The following SOX13 variants were observed in gnomAD, a reference collection of about 807,000 sequenced individuals.
SOX13 encodes transcription factor SOX-13.
A neutral mutation model predicts 71.8 loss-of-function variants in SOX13; 28 were observed. The observed-to-expected ratio is 0.39, with a 90% CI of 0.29 to 0.53. The LOEUF (loss-of-function observed/expected upper bound fraction) is 0.53. SOX13 is among the 20% of genes least tolerant of loss of function. The pLI, the probability that SOX13 is intolerant of heterozygous loss-of-function variation, is 0.70. For synonymous variants in SOX13, 309 were observed against 317.8 expected, an observed-to-expected ratio of 0.97 and a Z score of 0.29; for missense variants, 627 against 810.3, an observed-to-expected ratio of 0.77 and a Z score of 2.75.
chr1:204,073,888 T>G lies in SOX13; in HGVS notation c.-2+177T>G, dbSNP rs1223857457. The G allele has an allele frequency of 6.6e-6, 1 of 152,566 alleles. No individual in the cohort carries two copies. The highest frequency in any genetic ancestry group is 1.9e-4 in the East Asian group (1 of 5,144). 9.5% of individuals were successfully genotyped at this position (152,566 alleles called of 1,614,324 possible). A position where few individuals can be genotyped will look rare whatever the true frequency, so the allele number is the denominator to read the frequency against. ...GACCCTCACCTACCCCCAACAACGC[T>G]GGGCAGTGGCGGCTCCTCCCTGGCC... On this transcript the variant is annotated intron_variant, in intron 1 of 13. Transcript: ENST00000367204. The surrounding 1 kb of genome is among the most constrained non-coding windows in gnomAD (Gnocchi z 6.8).
intron 1 of SOX13, among the ~76,000 whole-genome samples, chr1:204,112,100 T>C (rs189978745): frequency 6.6e-6 from 1 of 152,168 alleles, no homozygotes; most frequent in Non-Finnish European, 1.5e-5. Context: ...AATCTAGATT[T>C]TTATGTGTTA....
At chr1:204,080,906 C>CTT (rs1180508830) in intron 1 of SOX13, among the ~76,000 whole-genome samples, 49 of 122,748 alleles carry the variant, frequency 4.0e-4, no homozygotes, top group African/African-American at 1.1e-3. Context: ...CCTTTGTTGA[C>CTT]TTTTTTTTTT....
Position 204,073,443 on chromosome 1 carries a change from C to G in SOX13, c.-270C>G, listed in dbSNP as rs1005180524. The G allele has an allele frequency of 6.6e-6, 1 of 151,980 alleles. No homozygotes were observed. Among genetic ancestry groups the G allele is most frequent in the Non-Finnish European group, 1.5e-5 (1 of 67,996 alleles). The allele number at this position is 151,980 out of a possible 1,614,324, so 9.4% of individuals were successfully genotyped here. ...GAGCGGCCTGGCTCGGCGGAGAGGG[C>G]GCCGCCCGGCCGGAACCAAGCTCGC... On this transcript the variant is annotated 5_prime_UTR_variant, in exon 1 of 14. Transcript: ENST00000367204. The surrounding 1 kb of genome is among the most constrained non-coding windows in gnomAD (Gnocchi z 6.8).
At chr1:204,096,183 T>C (rs1487875190) in intron 1 of SOX13, among the ~76,000 whole-genome samples, 2 of 151,840 alleles carry the variant, frequency 1.3e-5, no homozygotes, top group East Asian at 1.9e-4. Flanking sequence ...ATTCTATATC[T>C]AATTTCTTGA....
chr1:204,097,704 A>C (rs556822941), intron 1 of SOX13, among the ~76,000 whole-genome samples: 1 of 151,584 alleles, frequency 6.6e-6, no homozygotes, highest in Non-Finnish European at 1.5e-5. Flanking sequence ...AAAAAAAAAA[A>C]AAAAGAAAAG....
At chr1:204,113,448 T>G (rs1656628289) in intron 2 of SOX13, among the ~76,000 whole-genome samples, 1 of 152,216 alleles carries the variant, frequency 6.6e-6, no homozygotes, top group Admixed American at 6.5e-5. Flanking sequence ...TGCTAAAGTT[T>G]GGCTTTAAAG....
Position 204,116,578 on chromosome 1 carries a change from G to A in SOX13, c.490G>A (p.Asp164Asn). ...GATTCACCAGCTGTCCACCCTGCGG[G>A]ACCAGCTCCTGACAGCCCACTCGGA... ...VMIHQLSTLR[D>N]QLLTAHSEQK... Residue 164 changes from aspartate (D) to asparagine (N), a missense_variant, in exon 5 of 14, where the codon GAC (aspartate) becomes AAC (asparagine). Transcript: ENST00000367204. 1.2e-6 allele frequency: 2 copies of A among 1,614,044 alleles called. No individual in the cohort carries two copies. Among genetic ancestry groups the A allele is most frequent in the Non-Finnish European group, 1.7e-6 (2 of 1,179,900 alleles).
intron 7 of SOX13, chr1:204,118,012 TGTG>T (rs1261513863): frequency 1.1e-5 from 3 of 271,822 alleles, no homozygotes; most frequent in Admixed American, 4.7e-5. Context: ...TATTGCCAGG[TGTG>T]GTGGCTCACG....
chr1:204,102,351 T>C lies in SOX13; in HGVS notation c.-1-10564T>C, dbSNP rs149717722. On this transcript the variant is annotated intron_variant, in intron 1 of 13. Transcript: ENST00000367204. Reference sequence around the variant, plus strand: ...CAGGAGAACGCAAGGGTTAATGATATAGCACTTCACCCTTGTGGGCTCCAG... The same window carrying C: ...CAGGAGAACGCAAGGGTTAATGATACAGCACTTCACCCTTGTGGGCTCCAG... Among the ~76,000 whole-genome samples, 1,475 of 152,310 alleles carry C rather than the reference T, an allele frequency of 9.7e-3. 71 individuals carry two copies. The highest frequency in any genetic ancestry group is 0.079 in the Admixed American group (1,215 of 15,306).
rs79376827 is a variant in SOX13 at position 204,117,888 on chromosome 1, A to G, written c.775+181A>G. On this transcript the variant is annotated intron_variant, in intron 7 of 13. Coordinates refer to ENST00000367204, the MANE Select transcript of SOX13 (RefSeq NM_005686.3). ...ATCTTGCTGAATTTCTCTGAACTTCACTGGGAGAATGAAAAACCATAAAGC... is the reference window on the plus strand; with the variant it reads ...ATCTTGCTGAATTTCTCTGAACTTCGCTGGGAGAATGAAAAACCATAAAGC... 1.2e-4 allele frequency: 70 copies of G among 597,954 alleles called. No homozygotes were observed. The East Asian group carries it at 1.9e-3, about 16-fold the overall frequency. The allele number at this position is 597,954 out of a possible 1,614,324, so 37.0% of individuals were successfully genotyped here.
chr1:204,111,243 G>A (rs866023915), intron 1 of SOX13, among the ~76,000 whole-genome samples: 4 of 152,238 alleles, frequency 2.6e-5, no homozygotes, highest in African/African-American at 7.2e-5. Context: ...TAGTCCTCAC[G>A]GCCATCCTAT....
chr1:204,120,532 G>A (rs746650975), intron 7 of SOX13, among the ~76,000 whole-genome samples: 9 of 152,328 alleles, frequency 5.9e-5, no homozygotes, highest in Admixed American at 2.6e-4. Flanking sequence ...CATGGGCTCC[G>A]TACTCCTGAC....
chr1:204,126,380 C>T lies in SOX13; in HGVS notation c.*246C>T. 1 of 561,296 alleles carries T rather than the reference C, an allele frequency of 1.8e-6. No homozygotes were observed. 34.8% of individuals were successfully genotyped at this position (561,296 alleles called of 1,614,324 possible). On this transcript the variant is annotated 3_prime_UTR_variant, in exon 14 of 14. Coordinates refer to ENST00000367204, the MANE Select transcript of SOX13 (RefSeq NM_005686.3). ...GGCTGAGCAGGCTGAGCACCTCAGC[C>T]TTTAGGGCTTATGGCCAGGGGACAC...
chr1:204,100,909 C>T (rs909789500), intron 1 of SOX13, among the ~76,000 whole-genome samples: 4 of 152,178 alleles, frequency 2.6e-5, no homozygotes, highest in Admixed American at 6.5e-5. Flanking sequence ...GCCAGTCTGG[C>T]CTAGAGCCTT....
intron 1 of SOX13, 29 bp from the exon 2 acceptor site, chr1:204,112,886 C>G (rs1254353055): frequency 6.3e-7 from 1 of 1,584,626 alleles, no homozygotes; most frequent in Non-Finnish European, 8.6e-7. Flanking sequence ...ACTGGGGACT[C>G]ACCTCAGCTC....
intron 1 of SOX13, among the ~76,000 whole-genome samples, chr1:204,105,521 T>A (rs1445237427): frequency 6.6e-6 from 1 of 151,608 alleles, no homozygotes; most frequent in Non-Finnish European, 1.5e-5. Context: ...TTCTCCTGCC[T>A]CAGCCTCCTG....
intron 1 of SOX13, among the ~76,000 whole-genome samples, chr1:204,103,297 G>A (rs1656396815): frequency 6.6e-6 from 1 of 152,346 alleles, no homozygotes; most frequent in Non-Finnish European, 1.5e-5. Flanking sequence ...AAGAGGTGAA[G>A]ACAGTGGCCA....
At chr1:204,122,755 G>A in intron 9 of SOX13, 99 bp from the exon 10 acceptor site, 1 of 722,522 alleles carries the variant, frequency 1.4e-6, no homozygotes, top group Admixed American at 2.8e-5. Context: ...TGCCTCATGG[G>A]AGTGGCATGG....
rs142696405 is a variant in SOX13 at position 204,097,268 on chromosome 1, A to G, written c.-1-15647A>G. On this transcript the variant is annotated intron_variant, in intron 1 of 13. Transcript: ENST00000367204. ...ACGGGGCATGGGGATAAAGGAAATC[A>G]TGATGCAGCCATAGAGTGGAAGATG... is the stretch of plus-strand genomic sequence containing the variant. Among the ~76,000 whole-genome samples, 940 of 152,340 alleles carry G rather than the reference A, an allele frequency of 6.2e-3. 12 individuals are homozygous for G. Among genetic ancestry groups the G allele is most frequent in the African/African-American group, 0.021 (866 of 41,580 alleles).
Sources: gnomAD v4.1 joint callset for allele counts (sites outside exome capture counted in the v4.1 genomes callset) on GRCh38, gnomAD v4.1.1 for gene constraint, Gnocchi (gnomAD v3.1) non-coding constraint, MANE v1.5 for transcripts, NCBI Gene and HGNC (gene_info 2026-07-23, HGNC 2026-07-21) for gene names.